APEH: variants seen among roughly 807,000 people sequenced by gnomAD.
The protein encoded by APEH is acylamino-acid-releasing enzyme.
Under a neutral mutation model 102.7 loss-of-function variants are expected in APEH, and 75 were observed. That is an observed-to-expected ratio of 0.73 (90% confidence interval 0.61 to 0.89). The LOEUF is 0.89. APEH is among the 40% of genes least tolerant of loss of function. The pLI, the probability that APEH is intolerant of heterozygous loss-of-function variation, is 0.00. For missense variants in APEH, 863 were observed against 941.2 expected (o/e 0.92, Z 1.09); for synonymous variants, 344 against 362.7 (o/e 0.95, Z 0.59).
At chr3:49,680,756 C>T (rs2053281634) in intron 14 of APEH, 127 bp downstream of exon 14, 1 of 862,484 alleles carries the variant, frequency 1.2e-6, no homozygotes, top group South Asian at 1.5e-5. Context: ...GACACAGGCC[C>T]AGCTTGGCAT....
chr3:49,676,218 AG>A lies in APEH; in HGVS notation c.606+1del. 1 of 1,613,852 alleles carries A rather than the reference AG, an allele frequency of 6.2e-7. No individual in the cohort carries two copies. Among genetic ancestry groups the A allele is most frequent in the Non-Finnish European group, 8.5e-7 (1 of 1,179,898 alleles). ...CTGAAGAAGCCAGACCAAGCCATCA[AG>A]GTGCTCGTGGTCAATCCACGAAGGC... is the stretch of plus-strand genomic sequence containing the variant. ...ARLKKPDQAI[K>X]GDQFVFYEDW... On this transcript the variant is annotated frameshift_variant and splice_region_variant, in exon 6 of 22. Coordinates refer to ENST00000296456, the MANE Select transcript of APEH (RefSeq NM_001640.4). LOFTEE classifies it high-confidence loss of function.
chr3:49,677,959 C>A (rs1202060483), intron 11 of APEH, among the ~76,000 whole-genome samples: 1 of 152,178 alleles, frequency 6.6e-6, no homozygotes, highest in Non-Finnish European at 1.5e-5. Flanking sequence ...AAACCAAAAC[C>A]ATGACTCCTT....
chr3:49,683,904 G>T lies in APEH; in HGVS notation c.*562G>T. The T allele has an allele frequency of 6.9e-7, 1 of 1,447,788 alleles. No homozygotes were observed. Among genetic ancestry groups the T allele is most frequent in the Non-Finnish European group, 9.3e-7 (1 of 1,073,918 alleles). 89.7% of individuals were successfully genotyped at this position (1,447,788 alleles called of 1,614,324 possible). A position where few individuals can be genotyped will look rare whatever the true frequency, so the allele number is the denominator to read the frequency against. On this transcript the variant is annotated 3_prime_UTR_variant, in exon 22 of 22. Transcript: ENST00000296456. Reference sequence around the variant, plus strand: ...CAAGCCACCCGAGCCCTAGCAAGGAGTCACTGACACATTTCCTGGAAGCAA... The same window carrying T: ...CAAGCCACCCGAGCCCTAGCAAGGATTCACTGACACATTTCCTGGAAGCAA...
In APEH at chr3:49,679,937, ACTCT is replaced by A. The variant is rs948918049; in HGVS notation, c.1210+298_1210+301del. 1 of 320,918 alleles carries A rather than the reference ACTCT, an allele frequency of 3.1e-6. No homozygotes were observed. Among genetic ancestry groups the A allele is most frequent in the South Asian group, 3.6e-5 (1 of 27,646 alleles). The allele number at this position is 320,918 out of a possible 1,614,324, so 19.9% of individuals were successfully genotyped here. A position where few individuals can be genotyped will look rare whatever the true frequency, so the allele number is the denominator to read the frequency against. On this transcript the variant is annotated intron_variant, in intron 13 of 21. Transcript: ENST00000296456. The surrounding 1 kb of genome is among the most constrained non-coding windows in gnomAD (Gnocchi z 4.3). ...CACCTCTGCTCCTAAAACCCACAAA[ACTCT>A]CTCTTATCAAGATCTGCCAGACTCA...
intron 19 of APEH, 49 bp downstream of exon 19, chr3:49,682,785 C>A: frequency 6.2e-7 from 1 of 1,613,522 alleles, no homozygotes; most frequent in South Asian, 1.1e-5. Flanking sequence ...ACCTCAAATT[C>A]TCATGGAGCC....
At position 49,675,336 on chromosome 3, in the gene APEH, G is replaced by A. The variant is rs1422207841; in HGVS notation, c.272+27G>A. 7 of 1,612,012 alleles carry A rather than the reference G, an allele frequency of 4.3e-6. No homozygotes were observed. The East Asian group carries it at 1.6e-4, about 36-fold the overall frequency. ...TAAGTTTGAGGGAGGAAGCTTGTGG[G>A]CAAGGCCACAGCCGTCCGCAATGCA... On this transcript the variant is annotated intron_variant, in intron 3 of 21. Transcript: ENST00000296456.
chr3:49,683,366 G>C lies in APEH; in HGVS notation c.*24G>C. 1.3e-6 allele frequency: 2 copies of C among 1,584,822 alleles called. No individual in the cohort carries two copies. The highest frequency in any genetic ancestry group is 1.7e-6 in the Non-Finnish European group (2 of 1,153,968). ...GAAGCCCTGCCATTCTGCATGAGCT[G>C]ATCAGCCTGTGCCACACTTCGCTCT... is the stretch of plus-strand genomic sequence containing the variant. On this transcript the variant is annotated 3_prime_UTR_variant, in exon 22 of 22. Transcript: ENST00000296456.
At chr3:49,676,010 T>C in intron 5 of APEH, 44 bp downstream of exon 5, 2 of 1,614,034 alleles carry the variant, frequency 1.2e-6, no homozygotes, top group Non-Finnish European at 1.7e-6. Context: ...ACAGGAGGGG[T>C]AGCCGTAGCC....
chr3:49,675,850 TC>T (rs763324518), intron 4 of APEH, 40 bp from the exon 5 acceptor site: 2 of 1,613,206 alleles, frequency 1.2e-6, no homozygotes, highest in South Asian at 1.1e-5. Context: ...CAGATAAGGC[TC>T]TGTTAGCGGG....
chr3:49,674,369 G>A lies in APEH; in HGVS notation c.-33G>A, dbSNP rs2052911884. The A allele has an allele frequency of 1.3e-6, 2 of 1,550,176 alleles. No individual in the cohort carries two copies. The highest frequency in any genetic ancestry group is 8.7e-7 in the Non-Finnish European group (1 of 1,154,570). ...AAGCCTCACTTCCGGGCGCGAGCACGCCCCGCCTCGCCCCGGCGGCAGAGA... is the reference window on the plus strand; with the variant it reads ...AAGCCTCACTTCCGGGCGCGAGCACACCCCGCCTCGCCCCGGCGGCAGAGA... On this transcript the variant is annotated 5_prime_UTR_variant, in exon 1 of 22. Coordinates refer to ENST00000296456, the MANE Select transcript of APEH (RefSeq NM_001640.4).
At chr3:49,677,919 G>C (rs1484219239) in intron 11 of APEH, among the ~76,000 whole-genome samples, 2 of 152,198 alleles carry the variant, frequency 1.3e-5, no homozygotes, top group Non-Finnish European at 1.5e-5. Flanking sequence ...GTCATAATTA[G>C]AGTTTTCTTA....
intron 15 of APEH, 61 bp downstream of exon 15, chr3:49,681,300 G>A (rs1384365177): frequency 1.7e-5 from 25 of 1,460,074 alleles, no homozygotes; most frequent in Admixed American, 5.0e-5. Flanking sequence ...AAGCCTCTGC[G>A]GTGACCTTTG....
rs2053217031 is a variant in APEH, at chr3:49,679,363, GC to G, written c.1159-228del. 6.6e-6 allele frequency among the ~76,000 whole-genome samples: 1 copy of G among 152,190 alleles called. No homozygotes were observed. The highest frequency in any genetic ancestry group is 2.1e-4 in the South Asian group (1 of 4,832). ...TTGTGCCAACTCAAAGGGGCTCAAA[GC>G]CATTCCTTACCTTGCCCAGGGTCAC... On this transcript the variant is annotated intron_variant, in intron 12 of 21. Coordinates refer to ENST00000296456, the MANE Select transcript of APEH (RefSeq NM_001640.4). This position sits in a 1 kb window ranked among gnomAD's most constrained non-coding sequence, Gnocchi z 4.3.
At chr3:49,674,314 A>C, upstream of APEH, 2 of 1,478,338 alleles carry the variant, frequency 1.4e-6, no homozygotes, top group Non-Finnish European at 1.8e-6. Flanking sequence ...GGGCGGAGAC[A>C]GCCCGGGCCG....
Position 49,674,483 on chromosome 3 carries a change from G to T in APEH, c.13-6G>T. The stretch of plus-strand genomic sequence containing the variant: ...CGGGCCTGACCCTGGTGTGTCCCCT[G>T]CGCAGGTGCTGCTGAGCGAGCCCGA... On this transcript the variant is annotated splice_region_variant and splice_polypyrimidine_tract_variant and intron_variant, in intron 1 of 21. Transcript: ENST00000296456. 1 of 1,571,386 alleles carries T rather than the reference G, an allele frequency of 6.4e-7. No individual in the cohort carries two copies. Among genetic ancestry groups the T allele is most frequent in the Non-Finnish European group, 8.6e-7 (1 of 1,164,940 alleles).
chr3:49,682,807 G>C (rs1227212392), intron 19 of APEH, 36 bp from the exon 20 acceptor site: 2 of 1,613,758 alleles, frequency 1.2e-6, no homozygotes, highest in African/African-American at 2.7e-5. Flanking sequence ...CGTAGCCCCA[G>C]AATTCCTGGG....
Position 49,680,407 on chromosome 3 carries a change from G to A in APEH, c.1211-134G>A, listed in dbSNP as rs185949375. On this transcript the variant is annotated intron_variant, in intron 13 of 21. Coordinates refer to ENST00000296456, the MANE Select transcript of APEH (RefSeq NM_001640.4). The stretch of plus-strand genomic sequence containing the variant: ...CACCCGGGGCCATGTGCAGTTGGGT[G>A]TTTGTGAAAGGCACTTCTCGGGGAG... 42 of 736,196 alleles carry A rather than the reference G, an allele frequency of 5.7e-5. No individual in the cohort carries two copies. In the Middle Eastern group the frequency reaches 9.6e-4, roughly 17 times the overall value. The allele number at this position is 736,196 out of a possible 1,614,324, so 45.6% of individuals were successfully genotyped here. A position where few individuals can be genotyped will look rare whatever the true frequency, so the allele number is the denominator to read the frequency against.
At position 49,676,461 on chromosome 3, in the gene APEH, G is replaced by A. The variant is rs745367840; in HGVS notation, c.690G>A (p.Glu230=). 15 of 1,614,146 alleles carry A rather than the reference G, an allele frequency of 9.3e-6. No individual in the cohort carries two copies. The highest frequency in any genetic ancestry group is 8.8e-5 in the South Asian group (8 of 91,094). The change falls in exon 7 of 22, where the codon GAG becomes GAA. Residue 230 remains glutamate (E), a synonymous_variant. Coordinates refer to ENST00000296456, the MANE Select transcript of APEH (RefSeq NM_001640.4). ...SIPVLCVLDV[E]SGNISVLEGV... ...CTGTGCTCTGCGTGCTGGATGTCGA[G>A]AGTGGCAACATCTCTGTGCTTGAGG...
At chr3:49,681,629 C>A in intron 15 of APEH, 93 bp from the exon 16 acceptor site, 1 of 1,227,982 alleles carries the variant, frequency 8.1e-7, no homozygotes, top group Non-Finnish European at 1.1e-6. Context: ...GGTCTCTGAC[C>A]CAGAGGTCAG....
Sources: gnomAD v4.1 joint callset for allele counts (sites outside exome capture counted in the v4.1 genomes callset) on GRCh38, gnomAD v4.1.1 for gene constraint, Gnocchi (gnomAD v3.1) non-coding constraint, MANE v1.5 for transcripts, NCBI Gene and HGNC (gene_info 2026-07-23, HGNC 2026-07-21) for gene names.